ALG5: variants seen among roughly 807,000 people sequenced by gnomAD.
ALG5 encodes the protein ALG5 dolichyl-phosphate beta-glucosyltransferase.
In ALG5, 26 loss-of-function variants were observed where a neutral mutation model predicts 51.8. That is an observed-to-expected ratio of 0.50 (90% CI 0.37 to 0.70). ALG5 has a LOEUF of 0.70. ALG5 is among the 30% of genes least tolerant of loss of function. The pLI is 0.00. For synonymous variants in ALG5, 141 were observed against 136.1 expected (o/e 1.04, Z -0.25); for missense variants, 311 against 399.3 (o/e 0.78, Z 1.88).
intron 6 of ALG5, among the ~76,000 whole-genome samples, 194 bp downstream of exon 6, chr13:36,985,433 C>T (rs1425576147): frequency 2.6e-5 from 4 of 152,090 alleles, no homozygotes; most frequent in South Asian, 4.1e-4. Context: ...AAGTAATTGT[C>T]AAGTGAATCT....
chr13:36,975,786 C>T (rs770195108), intron 6 of ALG5, among the ~76,000 whole-genome samples: 1 of 151,472 alleles, frequency 6.6e-6, no homozygotes, highest in Non-Finnish European at 1.5e-5. Context: ...TTTGGGAGGC[C>T]GAAGTGGGCA....
chr13:36,990,806 T>C (rs1367789366), intron 4 of ALG5, among the ~76,000 whole-genome samples: 1 of 152,190 alleles, frequency 6.6e-6, no homozygotes, highest in Non-Finnish European at 1.5e-5. Context: ...CCCATTACAA[T>C]TCACTGGCTA....
At chr13:36,995,137 C>T (rs1338553308) in intron 2 of ALG5, 102 bp from the exon 3 acceptor site, 3 of 989,164 alleles carry the variant, frequency 3.0e-6, no homozygotes, top group African/African-American at 1.6e-5. Context: ...TCTAACAAGC[C>T]CCTCTGGTAC....
intron 7 of ALG5, among the ~76,000 whole-genome samples, chr13:36,971,214 G>A (rs2058921336): frequency 1.3e-5 from 2 of 152,062 alleles, no homozygotes; most frequent in Non-Finnish European, 2.9e-5. Context: ...GCAAACTTGT[G>A]AAATTTTAAG....
chr13:36,977,947 CAAGAT>C lies in ALG5; in HGVS notation c.562-5916_562-5912del, dbSNP rs2058961250. Reference sequence around the variant, plus strand: ...TGTTGCCCAGGCTGGAGTACAGTGGCAAGATCTCGGCTCATTGCAACAACCACTTC... The same window carrying C: ...TGTTGCCCAGGCTGGAGTACAGTGGCCTCGGCTCATTGCAACAACCACTTC... On this transcript the variant is annotated intron_variant, in intron 6 of 9. Transcript: ENST00000239891. Among the ~76,000 whole-genome samples, 5 of 146,898 alleles carry C rather than the reference CAAGAT, an allele frequency of 3.4e-5. No homozygotes were observed. The South Asian group carries it at 1.1e-3, about 33-fold the overall frequency.
Position 36,985,675 on chromosome 13 carries a change from T to C in ALG5, c.513A>G (p.Pro171=). The C allele has an allele frequency of 6.2e-7, 1 of 1,613,846 alleles. No individual in the cohort carries two copies. The highest frequency in any genetic ancestry group is 8.5e-7 in the Non-Finnish European group (1 of 1,179,898). Residue 171 remains proline (P), a synonymous_variant, in exon 6 of 10, where the codon CCA becomes CCG. Transcript: ENST00000239891. ...GCCCCTTTTCTAATTTCTCAACATC[T>C]GGAAACTTTGTGGCTCCATCAGCAT... is the stretch of plus-strand genomic sequence containing the variant. ...MADADGATKF[P]DVEKLEKGLN...
intron 6 of ALG5, among the ~76,000 whole-genome samples, chr13:36,972,339 G>A (rs1246949959): frequency 6.6e-6 from 1 of 152,006 alleles, no homozygotes; most frequent in Non-Finnish European, 1.5e-5. Context: ...AAAATTAGTG[G>A]TATGAGAAAG....
Position 36,995,468 on chromosome 13 carries a change from T to C in ALG5, c.195A>G (p.Lys65=). ...ATGAAGGCACAACGACAGAAAGTTG[T>C]TTGGTAGGTGAGTCCCATATGCTGG... ...TLPSIWDSPT[K]QLSVVVPSYN... The change falls in exon 2 of 10, where the codon AAA becomes AAG. Residue 65 remains lysine (K), a synonymous_variant. Transcript: ENST00000239891. 6.2e-7 allele frequency: 1 copy of C among 1,612,894 alleles called. No homozygotes were observed. Among genetic ancestry groups the C allele is most frequent in the South Asian group, 1.1e-5 (1 of 90,582 alleles).
chr13:36,978,737 AC>A (rs982819855), intron 6 of ALG5, among the ~76,000 whole-genome samples: 9 of 151,198 alleles, frequency 6.0e-5, no homozygotes, highest in Admixed American at 1.3e-4. Flanking sequence ...CCATGGTGAG[AC>A]CCCACCTCTA....
At chr13:36,971,320 GA>G (rs34037859) in intron 7 of ALG5, among the ~76,000 whole-genome samples, 79 of 151,992 alleles carry the variant, frequency 5.2e-4, no homozygotes, top group Non-Finnish European at 1.3e-4. Context: ...GCCAATGTTA[GA>G]AAAAAATAAA....
chr13:36,968,911 T>C (rs1451689160), intron 7 of ALG5, among the ~76,000 whole-genome samples: 1 of 152,228 alleles, frequency 6.6e-6, no homozygotes, highest in Non-Finnish European at 1.5e-5. Flanking sequence ...ACAAGCCTAC[T>C]GAGCAGTAGT....
At chr13:36,967,811 A>G in intron 7 of ALG5, 1 of 1,236,300 alleles carries the variant, frequency 8.1e-7, no homozygotes, top group Non-Finnish European at 1.1e-6. Flanking sequence ...ACTTATGCTT[A>G]GGAAAGGAAC....
rs1004637094 is a variant in ALG5 at position 36,999,268 on chromosome 13, G to T, written c.33C>A (p.Leu11=). Residue 11 remains leucine, a synonymous_variant, in exon 1 of 10, where the codon CTC becomes CTA. Transcript: ENST00000239891. Reference sequence around the variant, plus strand: ...GGGCTGCGGCCGCCAGCGCCGCGCCGAGCACCGCCAGCTGCAACAGAAGCG... The same window carrying T: ...GGGCTGCGGCCGCCAGCGCCGCGCCTAGCACCGCCAGCTGCAACAGAAGCG... MAPLLLQLAV[L]GAALAAAALV... 8.9e-6 allele frequency: 14 copies of T among 1,580,666 alleles called. No homozygotes were observed. Among genetic ancestry groups the T allele is most frequent in the Admixed American group, 1.8e-5 (1 of 55,250 alleles).
chr13:36,962,929 G>A (rs1171215078), intron 8 of ALG5, among the ~76,000 whole-genome samples: 1 of 152,036 alleles, frequency 6.6e-6, no homozygotes, highest in Non-Finnish European at 1.5e-5. Flanking sequence ...AAATATATTG[G>A]ATAACAAGTA....
At chr13:36,972,637 G>T (rs962643886) in intron 6 of ALG5, among the ~76,000 whole-genome samples, 14 of 152,246 alleles carry the variant, frequency 9.2e-5, no homozygotes, top group Middle Eastern at 3.4e-3. Flanking sequence ...GAAAACAAAA[G>T]ATTTAAACAC....
intron 8 of ALG5, among the ~76,000 whole-genome samples, chr13:36,959,454 T>C (rs943250915): frequency 3.9e-5 from 6 of 152,172 alleles, no homozygotes; most frequent in Non-Finnish European, 7.4e-5. Context: ...ATCCTAAACA[T>C]ATGCAACTAT....
rs73175054 is a variant in ALG5 at position 36,968,921 on chromosome 13, T to C, written c.621+3056A>G. Among the ~76,000 whole-genome samples the C allele has an allele frequency of 3.3e-5, 5 of 152,198 alleles. No homozygotes were observed. The South Asian group carries it at 8.3e-4, about 25-fold the overall frequency. Reference sequence around the variant, plus strand: ...CTTGAACAAGCCTACTGAGCAGTAGTTGTCATAGCATCTGCAGCGGACAAC... The same window carrying C: ...CTTGAACAAGCCTACTGAGCAGTAGCTGTCATAGCATCTGCAGCGGACAAC... On this transcript the variant is annotated intron_variant, in intron 7 of 9. Coordinates refer to ENST00000239891, the MANE Select transcript of ALG5 (RefSeq NM_013338.5).
At chr13:36,967,800 C>T in intron 7 of ALG5, 3 of 1,240,154 alleles carry the variant, frequency 2.4e-6, no homozygotes, top group Non-Finnish European at 3.2e-6. Context: ...TCCAAAAGAG[C>T]ACTTATGCTT....
At chr13:36,986,297 C>T (rs890369664) in intron 5 of ALG5, among the ~76,000 whole-genome samples, 1 of 152,066 alleles carries the variant, frequency 6.6e-6, no homozygotes, top group Admixed American at 6.5e-5. Context: ...TTATGTTATG[C>T]CATTTGCGGT....
Sources: gnomAD v4.1 joint callset for allele counts (sites outside exome capture counted in the v4.1 genomes callset) on GRCh38, gnomAD v4.1.1 for gene constraint, MANE v1.5 for transcripts, NCBI Gene and HGNC (gene_info 2026-07-23, HGNC 2026-07-21) for gene names.